Variants in ZNF75D observed in about 807,000 individuals in gnomAD.
ZNF75D encodes the protein zinc finger protein 75D, also known as zinc finger protein 75.
A neutral mutation model predicts 33.3 loss-of-function variants in ZNF75D; 33 were observed. The observed-to-expected ratio is 0.99, with a 90% CI of 0.75 to 1.32. The LOEUF (loss-of-function observed/expected upper bound fraction) is 1.32. Ranked by LOEUF, ZNF75D falls within the 40% of genes most tolerant of loss-of-function variation. The pLI, the probability that ZNF75D is intolerant of heterozygous loss-of-function variation, is 0.00. For missense variants in ZNF75D, 338 were observed against 367.5 expected (o/e 0.92, Z 0.66); for synonymous variants, 113 against 130.6 (o/e 0.87, Z 0.92).
At chrX:135,278,184 TCTC>T (rs1453283645) in intron 1 of ZNF75D, among the ~76,000 whole-genome samples, 1 of 111,528 alleles carries the variant, frequency 9.0e-6, no homozygotes, top group Non-Finnish European at 1.9e-5. Flanking sequence ...GGTTTCTAGT[TCTC>T]CTTGAAGAGG....
chrX:135,306,050 G>A (rs146390184), intron 1 of ZNF75D, among the ~76,000 whole-genome samples: 177 of 111,406 alleles, frequency 1.6e-3, no homozygotes, highest in African/African-American at 5.5e-3. Flanking sequence ...TATGGTTTGC[G>A]TCTGTGTCCA....
chrX:135,323,991 A>G lies in ZNF75D; in HGVS notation c.-391+17777T>C, dbSNP rs1218455483. ...TCACTGTACCAATACTTGTTGCAGC[A>G]CACACACACACACACACACACACAC... On this transcript the variant is annotated intron_variant, in intron 1 of 6. Coordinates refer to ENST00000370766, the MANE Select transcript of ZNF75D (RefSeq NM_007131.5). Among the ~76,000 whole-genome samples the G allele has an allele frequency of 5.1e-4, 21 of 41,339 alleles. No individual in the cohort carries two copies. The South Asian group carries it at 6.1e-3, about 12-fold the overall frequency. The allele number at this position is 41,339 out of a possible 115,157, so 35.9% of individuals were successfully genotyped here.
intron 1 of ZNF75D, among the ~76,000 whole-genome samples, chrX:135,278,943 A>T (rs1229967956): frequency 9.0e-6 from 1 of 111,415 alleles, no homozygotes; most frequent in African/African-American, 3.3e-5. Flanking sequence ...TATTGGCCTG[A>T]AATTTTCTTT....
At chrX:135,315,564 G>A (rs1257365608) in intron 1 of ZNF75D, among the ~76,000 whole-genome samples, 8 of 111,610 alleles carry the variant, frequency 7.2e-5, no homozygotes, top group African/African-American at 2.6e-4. Context: ...CTGTATTAGA[G>A]TCTAAATCTT....
intron 1 of ZNF75D, among the ~76,000 whole-genome samples, chrX:135,329,898 T>C (rs2084630658): frequency 8.9e-6 from 1 of 112,117 alleles, no homozygotes; most frequent in African/African-American, 3.2e-5. Flanking sequence ...GATTGAAAAA[T>C]TAATTACTAT....
At chrX:135,293,605 G>T in intron 3 of ZNF75D, 125 bp downstream of exon 3, 9 of 634,519 alleles carry the variant, frequency 1.4e-5, no homozygotes, top group Non-Finnish European at 1.9e-5. Context: ...TCAGATCCTT[G>T]CTAGCTGTCC....
intron 1 of ZNF75D, among the ~76,000 whole-genome samples, chrX:135,302,093 C>T (rs2148477488): frequency 8.9e-6 from 1 of 112,372 alleles, no homozygotes; most frequent in South Asian, 3.7e-4. Context: ...TTACCCGTGG[C>T]TGGAGCTGGA....
intron 1 of ZNF75D, among the ~76,000 whole-genome samples, chrX:135,264,048 C>G (rs1372781106): frequency 8.9e-6 from 1 of 111,852 alleles, no homozygotes; most frequent in Non-Finnish European, 1.9e-5. Flanking sequence ...TTCATTTTCA[C>G]ACTGCTATAA....
downstream of ZNF75D, among the ~76,000 whole-genome samples, chrX:135,285,481 A>G (rs2083938933): frequency 8.9e-6 from 1 of 112,626 alleles, no homozygotes; most frequent in Admixed American, 9.4e-5. Flanking sequence ...AAAACCAGCT[A>G]GAAATGATGG....
At chrX:135,337,591 C>A (rs1217300560) in intron 1 of ZNF75D, among the ~76,000 whole-genome samples, 6 of 111,609 alleles carry the variant, frequency 5.4e-5, no homozygotes, top group African/African-American at 2.0e-4. Flanking sequence ...TCAATTGTAC[C>A]TTCTTTTTGC....
intron 1 of ZNF75D, among the ~76,000 whole-genome samples, chrX:135,315,236 T>A (rs1441973348): frequency 1.6e-4 from 18 of 112,374 alleles, no homozygotes; most frequent in Admixed American, 1.2e-3. Context: ...TTCCATGAAT[T>A]TGTATTGTTT....
chrX:135,291,307 G>T, intron 5 of ZNF75D, 165 bp downstream of exon 5: 1 of 796,704 alleles, frequency 1.3e-6, no homozygotes, highest in Non-Finnish European at 1.8e-6. Flanking sequence ...TAAATCACCT[G>T]GGAGGTGCCC....
rs1423518471 is a variant in ZNF75D, at chrX:135,344,013, T to C, written c.-2636A>G. 4.5e-5 allele frequency: 5 copies of C among 112,251 alleles called. No individual in the cohort carries two copies. Among genetic ancestry groups the C allele is most frequent in the Non-Finnish European group, 9.4e-5 (5 of 53,215 alleles). The allele number at this position is 112,251 out of a possible 1,213,427, so 9.3% of individuals were successfully genotyped here. ...CACGCAGAAAGTCCTAGCACGGAAG[T>C]TTGGCGTCCACAGACCAATTTGTCA... On this transcript the variant is annotated 5_prime_UTR_variant, in exon 1 of 7. Transcript: ENST00000370766.
chrX:135,321,859 G>T (rs782031604), intron 1 of ZNF75D, among the ~76,000 whole-genome samples: 1 of 112,052 alleles, frequency 8.9e-6, no homozygotes, highest in African/African-American at 3.2e-5. Context: ...AATAGATCTG[G>T]CTGAAGGCAG....
chrX:135,336,170 A>C (rs1254443426), intron 1 of ZNF75D, among the ~76,000 whole-genome samples: 2 of 111,125 alleles, frequency 1.8e-5, no homozygotes, highest in Non-Finnish European at 3.8e-5. Flanking sequence ...AAGAGGCCTG[A>C]GTGAGTCCCC....
chrX:135,334,911 A>C (rs1556441867), intron 1 of ZNF75D, among the ~76,000 whole-genome samples: 1 of 111,659 alleles, frequency 9.0e-6, no homozygotes, highest in African/African-American at 3.3e-5. Context: ...ATGAGGGAGC[A>C]CATGGCCCAG....
At chrX:135,263,564 G>T (rs1413323797) in intron 1 of ZNF75D, among the ~76,000 whole-genome samples, 2 of 112,743 alleles carry the variant, frequency 1.8e-5, no homozygotes, top group Admixed American at 9.3e-5. Context: ...TTCGCAGATC[G>T]AACTCAGACT....
chrX:135,283,682 A>C (rs1440381126), downstream of ZNF75D, among the ~76,000 whole-genome samples: 2 of 111,960 alleles, frequency 1.8e-5, no homozygotes, highest in Non-Finnish European at 3.8e-5. Context: ...CCTTCCCTGA[A>C]AGAATGGAAG....
downstream of ZNF75D, among the ~76,000 whole-genome samples, chrX:135,284,934 T>C (rs1449845263): frequency 8.9e-6 from 1 of 111,821 alleles, no homozygotes; most frequent in East Asian, 2.8e-4. Flanking sequence ...AATAAATTTA[T>C]TTGAATGGTG....
Sources: allele counts gnomAD v4.1 joint callset (sites outside exome capture counted in the v4.1 genomes callset), GRCh38; gene constraint gnomAD v4.1.1; transcripts MANE v1.5; gene names NCBI Gene and HGNC (gene_info 2026-07-23, HGNC 2026-07-21).